The following CHST15 variants were observed in gnomAD, a reference collection of about 807,000 sequenced individuals.
The protein encoded by CHST15 is B cell RAG associated protein (GALNAC4S-6ST).
In CHST15, 30 loss-of-function variants were observed where a neutral mutation model predicts 53.6. The observed-to-expected ratio is 0.56, with a 90% CI of 0.42 to 0.76. CHST15 has a LOEUF of 0.76. Ranked by LOEUF, CHST15 falls within the 30% of genes least tolerant of loss-of-function variation. The pLI, the probability that CHST15 is intolerant of heterozygous loss-of-function variation, is 0.00. For missense variants in CHST15, 627 were observed against 740.5 expected (o/e 0.85, Z 1.78); for synonymous variants, 296 against 289.8 (o/e 1.02, Z -0.22).
rs958333653 is a variant in CHST15, at chr10:124,010,098, C to A, written c.*51G>T. 4 of 1,611,514 alleles carry A rather than the reference C, an allele frequency of 2.5e-6. No individual in the cohort carries two copies. The Middle Eastern group carries it at 6.7e-4, about 270-fold the overall frequency. ...TCCCCGCAAAGAGATTTGTAAAATC[C>A]TGATGATGACGGCATTGGCGGGCCC... On this transcript the variant is annotated 3_prime_UTR_variant, in exon 8 of 8. Transcript: ENST00000435907.
intron 5 of CHST15, among the ~76,000 whole-genome samples, chr10:124,025,247 T>C (rs924833026): frequency 6.6e-6 from 1 of 152,204 alleles, no homozygotes; most frequent in Non-Finnish European, 1.5e-5. Flanking sequence ...GGGACATACC[T>C]ACTGTTCCAA....
At chr10:124,033,529 T>G (rs184672660) in intron 5 of CHST15, among the ~76,000 whole-genome samples, 274 of 152,286 alleles carry the variant, frequency 1.8e-3, no homozygotes, top group South Asian at 6.0e-3. Flanking sequence ...CATGACTCAC[T>G]TCTAACCAAC....
Position 124,061,918 on chromosome 10 carries a change from T to C in CHST15, c.-512-15194A>G, listed in dbSNP as rs190335039. On this transcript the variant is annotated intron_variant, in intron 1 of 7. Transcript: ENST00000435907. ...GGCTAAAGACTGCGCAAAGCACCAGTGGGAAGCTCTGTCCAAGCTGCACTG... is the reference window on the plus strand; with the variant it reads ...GGCTAAAGACTGCGCAAAGCACCAGCGGGAAGCTCTGTCCAAGCTGCACTG... Among the ~76,000 whole-genome samples, 4 of 151,928 alleles carry C rather than the reference T, an allele frequency of 2.6e-5. No individual in the cohort carries two copies. In the East Asian group the frequency reaches 5.8e-4, roughly 22 times the overall value.
chr10:124,077,436 A>G (rs2048807678), intron 1 of CHST15, among the ~76,000 whole-genome samples: 2 of 152,230 alleles, frequency 1.3e-5, no homozygotes, highest in African/African-American at 2.4e-5. Flanking sequence ...TCATCCCCAG[A>G]GTCCAGACCA....
At chr10:124,083,683 G>A (rs369070735) in intron 1 of CHST15, among the ~76,000 whole-genome samples, 6 of 152,092 alleles carry the variant, frequency 3.9e-5, no homozygotes, top group East Asian at 1.9e-4. Flanking sequence ...CTCGTTAGTC[G>A]GAGCATGCTT....
In CHST15 at chr10:124,021,242, G is replaced by T. The variant is rs75589650; in HGVS notation, c.1347+14C>A. ...GGGGCCAGCTCGGGGGGTACGGGGG[G>T]GGGGGGTACACACAGGCATGGCGTT... On this transcript the variant is annotated intron_variant, in intron 6 of 7. Coordinates refer to ENST00000435907, the MANE Select transcript of CHST15 (RefSeq NM_001270764.2). 3.1e-3 allele frequency: 4,769 copies of T among 1,555,182 alleles called. 118 individuals carry two copies. The African/African-American group carries it at 0.041, about 13-fold the overall frequency.
rs116939204 is a variant in CHST15, at chr10:124,055,232, T to A, written c.-512-8508A>T. Reference sequence around the variant, plus strand: ...CTTTGGCCACTCCTTCAAACTTCACTCTCTCGTGAAGATTCCTAGGTCCAG... The same window carrying A: ...CTTTGGCCACTCCTTCAAACTTCACACTCTCGTGAAGATTCCTAGGTCCAG... On this transcript the variant is annotated intron_variant, in intron 1 of 7. Transcript: ENST00000435907. Among the ~76,000 whole-genome samples the A allele has an allele frequency of 3.9e-3, 598 of 152,312 alleles. 25 individuals are homozygous for A. In the East Asian group the frequency reaches 0.096, roughly 24 times the overall value.
chr10:124,044,855 A>G lies in CHST15; in HGVS notation c.611T>C (p.Phe204Ser). The G allele has an allele frequency of 6.7e-7, 1 of 1,502,710 alleles. No homozygotes were observed. Among genetic ancestry groups the G allele is most frequent in the East Asian group, 2.5e-5 (1 of 40,158 alleles). The allele number at this position is 1,502,710 out of a possible 1,614,324, so 93.1% of individuals were successfully genotyped here. A position where few individuals can be genotyped will look rare whatever the true frequency, so the allele number is the denominator to read the frequency against. ...GGGGTCGGTGGTGTTCTGCCCCGAG[A>G]ACTCCTCGTACCAACAGGGGCTCTT... ...NSKSPCWYEEFSGQNTTDPYL... is the reference protein window; with the variant it reads ...NSKSPCWYEESSGQNTTDPYL... The change falls in exon 3 of 8, where the codon TTC becomes TCC. Residue 204 changes from phenylalanine to serine, a missense_variant. Phe to Ser is a radical substitution (Grantham distance 155). Around this residue, in one of 3 missense-constraint regions of CHST15, gnomAD observed 161 missense variants for 117.2 expected, o/e 1.37. Coordinates refer to ENST00000435907, the MANE Select transcript of CHST15 (RefSeq NM_001270764.2).
chr10:124,059,714 G>A (rs1003700335), intron 1 of CHST15, among the ~76,000 whole-genome samples: 1 of 152,158 alleles, frequency 6.6e-6, no homozygotes, highest in Non-Finnish European at 1.5e-5. Flanking sequence ...CATTACAGGC[G>A]GCGCGACTGA....
Position 124,042,462 on chromosome 10 carries a change from A to C in CHST15, c.887-15T>G. ...GCGGACGATTCCTATGAGAACCAAG[A>C]AGCAGGAGATACTGAGGACAAAGTT... On this transcript the variant is annotated splice_polypyrimidine_tract_variant and intron_variant, in intron 3 of 7. Coordinates refer to ENST00000435907, the MANE Select transcript of CHST15 (RefSeq NM_001270764.2). The C allele has an allele frequency of 6.2e-7, 1 of 1,612,462 alleles. No individual in the cohort carries two copies. Among genetic ancestry groups the C allele is most frequent in the Non-Finnish European group, 8.5e-7 (1 of 1,178,622 alleles).
chr10:124,010,550 G>A (rs1287901307), intron 7 of CHST15: 14 of 985,316 alleles, frequency 1.4e-5, no homozygotes, highest in African/African-American at 5.2e-5. Context: ...GAAATTCTGC[G>A]GCGGGTGCAG....
rs760080553 is a variant in CHST15, at chr10:124,010,115, G to C, written c.*34C>G. 3.1e-6 allele frequency: 5 copies of C among 1,608,460 alleles called. No homozygotes were observed. Among genetic ancestry groups the C allele is most frequent in the Non-Finnish European group, 1.7e-6 (2 of 1,177,542 alleles). On this transcript the variant is annotated 3_prime_UTR_variant, in exon 8 of 8. Coordinates refer to ENST00000435907, the MANE Select transcript of CHST15 (RefSeq NM_001270764.2). ...GTAAAATCCTGATGATGACGGCATT[G>C]GCGGGCCCAGCACGTGCAGCAACAA...
At chr10:124,062,184 AG>A in intron 1 of CHST15, among the ~76,000 whole-genome samples, 1 of 152,290 alleles carries the variant, frequency 6.6e-6, no homozygotes, top group Middle Eastern at 3.4e-3. Flanking sequence ...CACAGACCAA[AG>A]GAACTCCAGG....
chr10:124,056,406 A>C (rs28394109), intron 1 of CHST15, among the ~76,000 whole-genome samples: 5,487 of 152,242 alleles, frequency 0.036, 308 homozygotes, highest in East Asian at 0.21. Flanking sequence ...AACCTGTCTC[A>C]ATTCAGACTC....
Position 124,008,055 on chromosome 10 carries a change from T to C in CHST15, c.*2094A>G, listed in dbSNP as rs1946318461. The C allele has an allele frequency of 1.6e-6, 2 of 1,231,922 alleles. No individual in the cohort carries two copies. The highest frequency in any genetic ancestry group is 2.0e-6 in the Non-Finnish European group (2 of 987,960). 76.3% of individuals were successfully genotyped at this position (1,231,922 alleles called of 1,614,324 possible). Reference sequence around the variant, plus strand: ...GTGGCACAGAAGGGATGGGACTGCATATATAAAAAAGATCCGCATAATAAA... The same window carrying C: ...GTGGCACAGAAGGGATGGGACTGCACATATAAAAAAGATCCGCATAATAAA... On this transcript the variant is annotated 3_prime_UTR_variant, in exon 8 of 8. Coordinates refer to ENST00000435907, the MANE Select transcript of CHST15 (RefSeq NM_001270764.2).
At chr10:124,021,476 C>A in intron 5 of CHST15, 64 bp from the exon 6 acceptor site, 1 of 1,553,200 alleles carries the variant, frequency 6.4e-7, no homozygotes, top group Non-Finnish European at 8.7e-7. Flanking sequence ...ATTTGGGCGA[C>A]AATGAAAATC....
chr10:124,075,620 C>T (rs1949052607), intron 1 of CHST15, among the ~76,000 whole-genome samples: 1 of 152,120 alleles, frequency 6.6e-6, no homozygotes, highest in African/African-American at 2.4e-5. Context: ...CATCCACCCC[C>T]TACACTCCCT....
In CHST15 at chr10:124,081,836, G is replaced by A. The variant is rs750738076; in HGVS notation, c.-513+11633C>T. Among the ~76,000 whole-genome samples the A allele has an allele frequency of 2.9e-4, 44 of 152,030 alleles. 1 individual carries two copies. Among genetic ancestry groups the A allele is most frequent in the African/African-American group, 6.0e-4 (25 of 41,370 alleles). The stretch of plus-strand genomic sequence containing the variant: ...ATTTCTTTCAATGCTTTCACCCAGC[G>A]TACCCTTGAAAAAACAACTTCCTAA... On this transcript the variant is annotated intron_variant, in intron 1 of 7. Coordinates refer to ENST00000435907, the MANE Select transcript of CHST15 (RefSeq NM_001270764.2).
Position 124,086,291 on chromosome 10 carries a change from G to A in CHST15, c.-513+7178C>T, listed in dbSNP as rs572280264. Among the ~76,000 whole-genome samples the A allele has an allele frequency of 6.6e-5, 10 of 152,336 alleles. No individual in the cohort carries two copies. The East Asian group carries it at 9.6e-4, about 15-fold the overall frequency. On this transcript the variant is annotated intron_variant, in intron 1 of 7. Transcript: ENST00000435907. Reference sequence around the variant, plus strand: ...ATTGACCACCCTCCAACCGTGGGCCGGGCACGGAGCCCAGCACATCATATT... The same window carrying A: ...ATTGACCACCCTCCAACCGTGGGCCAGGCACGGAGCCCAGCACATCATATT...
Sources: gnomAD v4.1 joint callset for allele counts (sites outside exome capture counted in the v4.1 genomes callset) on GRCh38, gnomAD v4.1.1 for gene constraint, gnomAD v4.1.1 regional missense constraint, MANE v1.5 for transcripts, NCBI Gene and HGNC (gene_info 2026-07-23, HGNC 2026-07-21) for gene names.